ASTN2: variants seen among roughly 807,000 people sequenced by gnomAD.
ASTN2 encodes astrotactin-2.
ASTN2 carries 54 observed loss-of-function variants against 139.8 expected under a neutral mutation model. That is an observed-to-expected ratio of 0.39 (90% CI 0.31 to 0.48). ASTN2 has a LOEUF of 0.48. ASTN2 is among the 20% of genes least tolerant of loss of function. The probability of loss-of-function intolerance (pLI) is 0.95; values close to 1 mark genes in which losing one functional copy is unlikely to be tolerated. For synonymous variants in ASTN2, 756 were observed against 719.5 expected, an observed-to-expected ratio of 1.05 and a Z score of -0.81; for missense variants, 1,565 against 1,725.1, an observed-to-expected ratio of 0.91 and a Z score of 1.64.
chr9:117,170,022 G>A (rs1018440224), intron 3 of ASTN2, among the ~76,000 whole-genome samples: 22 of 152,106 alleles, frequency 1.4e-4, no homozygotes, highest in African/African-American at 4.8e-4. Flanking sequence ...GTGATCATGA[G>A]CATGGTCATC....
intron 15 of ASTN2, among the ~76,000 whole-genome samples, chr9:116,727,106 C>T (rs181834877): frequency 8.7e-4 from 133 of 152,086 alleles, no homozygotes; most frequent in African/African-American, 3.1e-3. Flanking sequence ...GCTTCAAGGC[C>T]CCTGGAAGTC....
chr9:116,824,802 T>C (rs927480749), intron 11 of ASTN2, among the ~76,000 whole-genome samples: 2 of 152,240 alleles, frequency 1.3e-5, no homozygotes, highest in Non-Finnish European at 2.9e-5. Flanking sequence ...TCTGCTGTTA[T>C]AGGTATTTGT....
intron 20 of ASTN2, among the ~76,000 whole-genome samples, chr9:116,468,376 T>G (rs753415123): frequency 1.6e-4 from 24 of 152,202 alleles, no homozygotes; most frequent in Non-Finnish European, 2.6e-4. Context: ...GAAAGTTTCC[T>G]GGTTGTCACC....
chr9:117,352,977 G>A lies in ASTN2; in HGVS notation c.443-61464C>T, dbSNP rs72764177. On this transcript the variant is annotated intron_variant, in intron 1 of 22. Coordinates refer to ENST00000313400, the MANE Select transcript of ASTN2 (RefSeq NM_001365068.1). ...TTGAATGGATAAATTCATAAGGACC[G>A]AAAATAGATGAGAAGTTATCAGGGT... Among the ~76,000 whole-genome samples the A allele has an allele frequency of 8.3e-3, 1,266 of 152,232 alleles. 5 individuals carry two copies. Among genetic ancestry groups the A allele is most frequent in the African/African-American group, 0.016 (663 of 41,554 alleles).
At position 116,930,412 on chromosome 9, in the gene ASTN2, T is replaced by G. The variant is rs184431122; in HGVS notation, c.1889+44796A>C. Among the ~76,000 whole-genome samples, 537 of 152,158 alleles carry G rather than the reference T, an allele frequency of 3.5e-3. 2 individuals carry two copies. Among genetic ancestry groups the G allele is most frequent in the Non-Finnish European group, 5.4e-3 (366 of 68,010 alleles). On this transcript the variant is annotated intron_variant, in intron 10 of 22. Transcript: ENST00000313400. ...TAACCAGGGTTATGCTGGTGTGGAC[T>G]GAGAGAGGTGTCAAGTCTCATTCAG...
chr9:116,459,118 GT>G (rs1328592954), intron 20 of ASTN2, among the ~76,000 whole-genome samples: 1 of 151,970 alleles, frequency 6.6e-6, no homozygotes, highest in Non-Finnish European at 1.5e-5. Context: ...ATGGTCAATT[GT>G]TTTTCAAGGA....
At chr9:116,880,175 T>A (rs1233739270) in intron 10 of ASTN2, among the ~76,000 whole-genome samples, 1 of 152,228 alleles carries the variant, frequency 6.6e-6, no homozygotes, top group Non-Finnish European at 1.5e-5. Context: ...CAGGTACTGC[T>A]AACACACCTA....
At chr9:116,891,680 G>C (rs909455000) in intron 10 of ASTN2, among the ~76,000 whole-genome samples, 1 of 152,190 alleles carries the variant, frequency 6.6e-6, no homozygotes, top group Non-Finnish European at 1.5e-5. Flanking sequence ...TCTAGTCCAC[G>C]AAGTGAGTTG....
intron 1 of ASTN2, among the ~76,000 whole-genome samples, chr9:117,323,395 A>C (rs952921974): frequency 1.3e-5 from 2 of 152,054 alleles, no homozygotes; most frequent in East Asian, 1.9e-4. Flanking sequence ...AACTGCATTT[A>C]CCCAACGTCT....
intron 2 of ASTN2, among the ~76,000 whole-genome samples, chr9:117,220,014 G>A (rs1222635609): frequency 1.3e-5 from 2 of 152,130 alleles, no homozygotes; most frequent in Non-Finnish European, 2.9e-5. Flanking sequence ...ACTGCAATAG[G>A]CTCCCTTTAA....
intron 10 of ASTN2, among the ~76,000 whole-genome samples, chr9:116,920,696 AT>A (rs1834581303): frequency 6.6e-6 from 1 of 152,198 alleles, no homozygotes; most frequent in Non-Finnish European, 1.5e-5. Context: ...TTCTAGAACA[AT>A]ACCAGGACCC....
At chr9:117,360,421 G>A (rs1384972484) in intron 1 of ASTN2, among the ~76,000 whole-genome samples, 1 of 152,024 alleles carries the variant, frequency 6.6e-6, no homozygotes, top group African/African-American at 2.4e-5. Context: ...AATGTTATAT[G>A]GTGTGAGAAT....
chr9:116,795,871 C>A (rs956654375), intron 13 of ASTN2, among the ~76,000 whole-genome samples: 1 of 152,170 alleles, frequency 6.6e-6, no homozygotes, highest in African/African-American at 2.4e-5. Flanking sequence ...AGGTAAAACA[C>A]CACTTTATAG....
chr9:117,178,096 T>C (rs1408055260), intron 3 of ASTN2, among the ~76,000 whole-genome samples: 3 of 152,228 alleles, frequency 2.0e-5, no homozygotes, highest in Non-Finnish European at 4.4e-5. Context: ...TTATTTCAAA[T>C]ACTCTCTTGT....
chr9:116,718,969 TCTGTAC>T, intron 16 of ASTN2, among the ~76,000 whole-genome samples: 9 of 100,188 alleles, frequency 9.0e-5, no homozygotes, highest in African/African-American at 3.4e-4. Flanking sequence ...TATACCTGTA[TCTGTAC>T]ATATATATAT....
At chr9:116,455,936 C>G (rs538913250) in intron 20 of ASTN2, among the ~76,000 whole-genome samples, 1 of 151,950 alleles carries the variant, frequency 6.6e-6, no homozygotes, top group Non-Finnish European at 1.5e-5. Context: ...AAACAAAAAG[C>G]CTTTCCTTTA....
intron 5 of ASTN2, among the ~76,000 whole-genome samples, chr9:117,091,379 C>T (rs1489151383): frequency 6.6e-6 from 1 of 152,060 alleles, no homozygotes; most frequent in Non-Finnish European, 1.5e-5. Context: ...TGTCTATGCT[C>T]GTGAAGTTTC....
At chr9:117,369,300 C>T (rs942921066) in intron 1 of ASTN2, among the ~76,000 whole-genome samples, 1 of 152,044 alleles carries the variant, frequency 6.6e-6, no homozygotes, top group Admixed American at 6.6e-5. Context: ...CTTAAAAGTG[C>T]TTTTCCATCT....
chr9:117,265,432 C>A (rs1397535017), intron 2 of ASTN2, among the ~76,000 whole-genome samples: 1 of 152,120 alleles, frequency 6.6e-6, no homozygotes, highest in African/African-American at 2.4e-5. Flanking sequence ...CTGCAGCCTT[C>A]CCCAGGCATG....
Sources: gnomAD v4.1 joint callset for allele counts (sites outside exome capture counted in the v4.1 genomes callset) on GRCh38, gnomAD v4.1.1 for gene constraint, MANE v1.5 for transcripts, NCBI Gene and HGNC (gene_info 2026-07-23, HGNC 2026-07-21) for gene names.